Variants in TCHHL1 observed in about 807,000 individuals in gnomAD.
TCHHL1 encodes trichohyalin like 1, also known as trichohyalin-like protein 1.
In TCHHL1, 1 loss-of-function variant was observed where a neutral mutation model predicts 3.5. That is an observed-to-expected ratio of 0.29 (90% CI 0.10 to 1.36). TCHHL1 has a LOEUF of 1.36. Ranked by LOEUF, TCHHL1 falls within the 40% of genes most tolerant of loss-of-function variation. The pLI, the probability that TCHHL1 is intolerant of heterozygous loss-of-function variation, is 0.43. For synonymous variants in TCHHL1, 405 were observed against 375.3 expected (o/e 1.08, Z -0.92); for missense variants, 1,027 against 1,032.8 (o/e 0.99, Z 0.08).
At position 152,084,709 on chromosome 1, in the gene TCHHL1, C is replaced by T; in HGVS notation, c.*258G>A. On this transcript the variant is annotated 3_prime_UTR_variant, in exon 3 of 3. Transcript: ENST00000368806. ...ATTTTTCCATTTTTAATGACAGGTACATTGAGATAAACTGTCTCATGACAA... is the reference window on the plus strand; with the variant it reads ...ATTTTTCCATTTTTAATGACAGGTATATTGAGATAAACTGTCTCATGACAA... 1 of 404,060 alleles carries T rather than the reference C, an allele frequency of 2.5e-6. No homozygotes were observed. The highest frequency in any genetic ancestry group is 4.4e-6 in the Non-Finnish European group (1 of 227,346). 25.0% of individuals were successfully genotyped at this position (404,060 alleles called of 1,614,324 possible).
rs1458702465 is a variant in TCHHL1, at chr1:152,086,262, C to G, written c.1420G>C (p.Glu474Gln). Residue 474 changes from glutamate to glutamine, a missense_variant, in exon 3 of 3, where the codon GAA (glutamate) becomes CAA (glutamine). Physicochemically the swap from Glu to Gln is conservative, Grantham distance 29 (BLOSUM62 2). Transcript: ENST00000368806. ...VSGEEAEHTKEGTAEAFVNSK... is the reference protein window; with the variant it reads ...VSGEEAEHTKQGTAEAFVNSK... ...TTCACAAATGCTTCTGCTGTGCCTT[C>G]TTTGGTGTGTTCTGCCTCTTCTCCT... 6.2e-7 allele frequency: 1 copy of G among 1,614,234 alleles called. No homozygotes were observed. The highest frequency in any genetic ancestry group is 2.2e-5 in the East Asian group (1 of 44,888).
In TCHHL1 at chr1:152,088,132, G is replaced by T. The variant is rs1657769827; in HGVS notation, c.12C>A (p.Leu4=). The T allele has an allele frequency of 6.3e-7, 1 of 1,580,926 alleles. No homozygotes were observed. Among genetic ancestry groups the T allele is most frequent in the Non-Finnish European group, 8.6e-7 (1 of 1,166,164 alleles). Residue 4 remains leucine (L), a synonymous_variant, in exon 2 of 3, where the codon CTC becomes CTA. Coordinates refer to ENST00000368806, the MANE Select transcript of TCHHL1 (RefSeq NM_001008536.2). ...CAATTACACAGAGGACATTTCTCAG[G>T]AGCTGAGGCATCTTTACAAACTCAG... is the stretch of plus-strand genomic sequence containing the variant. MPQ[L]LRNVLCVIET... is the part of the protein sequence containing the mutation.
Position 152,087,453 on chromosome 1 carries a change from T to C in TCHHL1, c.229A>G (p.Ile77Val), listed in dbSNP as rs1441549306. Reference protein sequence around the residue: ...IISFDEFVLAIFNLLNLCYLD... With the variant: ...IISFDEFVLAVFNLLNLCYLD... The stretch of plus-strand genomic sequence containing the variant: ...TAACAGAGGTTCAACAAGTTGAAGA[T>C]TGCAAGAACAAATTCATCAAAACTG... Residue 77 changes from isoleucine to valine, a missense_variant, in exon 3 of 3, where the codon ATC (isoleucine) becomes GTC (valine). Coordinates refer to ENST00000368806, the MANE Select transcript of TCHHL1 (RefSeq NM_001008536.2). 1.2e-5 allele frequency: 20 copies of C among 1,607,392 alleles called. No homozygotes were observed. Among genetic ancestry groups the C allele is most frequent in the Admixed American group, 1.7e-5 (1 of 59,992 alleles).
At position 152,085,491 on chromosome 1, in the gene TCHHL1, A is replaced by G. The variant is rs778807337; in HGVS notation, c.2191T>C (p.Ser731Pro). 1.2e-6 allele frequency: 2 copies of G among 1,614,148 alleles called. No individual in the cohort carries two copies. The highest frequency in any genetic ancestry group is 1.7e-6 in the Non-Finnish European group (2 of 1,180,026). ...LESLDEDNSA[S>P]LKIQLETKEP... ...TTTGTTTCAAGTTGTATCTTGAGGG[A>G]GGCTGAATTGTCCTCATCTAGACTT... The change falls in exon 3 of 3, where the codon TCC becomes CCC. Residue 731 changes from serine (S) to proline (P), a missense_variant. Ser to Pro is a moderately conservative substitution (Grantham distance 74, BLOSUM62 -1). Transcript: ENST00000368806.
At chr1:152,088,331 C>T (rs1043956428) in intron 1 of TCHHL1, among the ~76,000 whole-genome samples, 168 bp from the exon 2 acceptor site, 10 of 152,124 alleles carry the variant, frequency 6.6e-5, no homozygotes, top group African/African-American at 2.4e-4. Context: ...TTGTACCAGA[C>T]ATTGTGGTGA....
chr1:152,087,784 C>T (rs1657761884), intron 2 of TCHHL1, among the ~76,000 whole-genome samples: 1 of 152,188 alleles, frequency 6.6e-6, no homozygotes, highest in South Asian at 2.1e-4. Flanking sequence ...TTTCAGAAGT[C>T]AGCTTTGCAG....
Position 152,086,164 on chromosome 1 carries a change from C to T in TCHHL1, c.1518G>A (p.Glu506=). 1 of 1,614,196 alleles carries T rather than the reference C, an allele frequency of 6.2e-7. No homozygotes were observed. The change falls in exon 3 of 3, where the codon GAG becomes GAA. Residue 506 remains glutamate, a synonymous_variant. Coordinates refer to ENST00000368806, the MANE Select transcript of TCHHL1 (RefSeq NM_001008536.2). ...RERTQDLAPL[E]KQSVGENTRV... ...TAGTATTTTCTCCTACAGACTGCTTCTCAAGTGGTGCTAAATCTTGTGTTC... is the reference window on the plus strand; with the variant it reads ...TAGTATTTTCTCCTACAGACTGCTTTTCAAGTGGTGCTAAATCTTGTGTTC...
chr1:152,085,282 T>A lies in TCHHL1; in HGVS notation c.2400A>T (p.Pro800=). 6.2e-7 allele frequency: 1 copy of A among 1,614,216 alleles called. No individual in the cohort carries two copies. Among genetic ancestry groups the A allele is most frequent in the Non-Finnish European group, 8.5e-7 (1 of 1,180,030 alleles). ...SVERGAVYSS[P]LYQYLQEKIL... is the part of the protein sequence containing the mutation. ...TCTTCTCCTGTAGGTACTGGTATAGTGGACTGGAATAGACTGCACCCCTCT... is the reference window on the plus strand; with the variant it reads ...TCTTCTCCTGTAGGTACTGGTATAGAGGACTGGAATAGACTGCACCCCTCT... Residue 800 remains proline (P), a synonymous_variant, in exon 3 of 3, where the codon CCA becomes CCT. Coordinates refer to ENST00000368806, the MANE Select transcript of TCHHL1 (RefSeq NM_001008536.2).
At position 152,084,844 on chromosome 1, in the gene TCHHL1, A is replaced by G; in HGVS notation, c.*123T>C. 8.9e-7 allele frequency: 1 copy of G among 1,123,616 alleles called. No homozygotes were observed. The highest frequency in any genetic ancestry group is 1.3e-6 in the Non-Finnish European group (1 of 789,100). 69.6% of individuals were successfully genotyped at this position (1,123,616 alleles called of 1,614,324 possible). On this transcript the variant is annotated 3_prime_UTR_variant, in exon 3 of 3. Coordinates refer to ENST00000368806, the MANE Select transcript of TCHHL1 (RefSeq NM_001008536.2). Reference sequence around the variant, plus strand: ...GTCCCCCACTGCTGAATATTTTATTATTTGTTTTTGTAGAAATTTAGGAAG... The same window carrying G: ...GTCCCCCACTGCTGAATATTTTATTGTTTGTTTTTGTAGAAATTTAGGAAG...
Position 152,085,978 on chromosome 1 carries a change from A to C in TCHHL1, c.1704T>G (p.Pro568=). 3 of 1,614,172 alleles carry C rather than the reference A, an allele frequency of 1.9e-6. No individual in the cohort carries two copies. Among genetic ancestry groups the C allele is most frequent in the Non-Finnish European group, 2.5e-6 (3 of 1,180,034 alleles). Residue 568 remains proline, a synonymous_variant, in exon 3 of 3, where the codon CCT becomes CCG. Transcript: ENST00000368806. ...GNSSSETGEL[P]VQGDSQSQGD... ...CTTGACTCTGGGAGTCCCCTTGCAC[A>C]GGCAGTTCACCTGTCTCTGAGCTGC... is the stretch of plus-strand genomic sequence containing the variant.
Position 152,085,981 on chromosome 1 carries a change from C to A in TCHHL1, c.1701G>T (p.Leu567=). Residue 567 remains leucine, a synonymous_variant, in exon 3 of 3, where the codon CTG becomes CTT. Transcript: ENST00000368806. ...EGNSSSETGE[L]PVQGDSQSQG... ...GACTCTGGGAGTCCCCTTGCACAGG[C>A]AGTTCACCTGTCTCTGAGCTGCTAT... 6.2e-7 allele frequency: 1 copy of A among 1,614,220 alleles called. No individual in the cohort carries two copies. The highest frequency in any genetic ancestry group is 8.5e-7 in the Non-Finnish European group (1 of 1,180,044).
chr1:152,087,217 G>A lies in TCHHL1; in HGVS notation c.465C>T (p.Asn155=), dbSNP rs766614058. ...TGGCTTCTCTCCATGGGTCCACTCT[G>A]TTATTTCCAACTGCTCCACTTTCTT... The part of the protein sequence containing the change: ...IPEESGAVGN[N]RVDPWREAKT... The change falls in exon 3 of 3, where the codon AAC becomes AAT. Residue 155 remains asparagine, a synonymous_variant. Coordinates refer to ENST00000368806, the MANE Select transcript of TCHHL1 (RefSeq NM_001008536.2). 27 of 1,614,064 alleles carry A rather than the reference G, an allele frequency of 1.7e-5. No homozygotes were observed. The highest frequency in any genetic ancestry group is 2.3e-5 in the Non-Finnish European group (27 of 1,179,972).
Position 152,088,055 on chromosome 1 carries a change from CCAGT to C in TCHHL1, c.85_88del (p.Thr29AlafsTer4). 6.2e-7 allele frequency: 1 copy of C among 1,611,186 alleles called. No homozygotes were observed. The highest frequency in any genetic ancestry group is 1.3e-5 in the African/African-American group (1 of 74,890). On this transcript the variant is annotated frameshift_variant, in exon 2 of 3. Transcript: ENST00000368806. LOFTEE classifies it low-confidence loss of function (END_TRUNC). ...CTGGATGAGTTGTTTCAGCTCTCTGCCAGTCAGTGTTGCCCCGTTACTGTCCTCA... is the reference window on the plus strand; with the variant it reads ...CTGGATGAGTTGTTTCAGCTCTCTGCCAGTGTTGCCCCGTTACTGTCCTCA...
Position 152,087,008 on chromosome 1 carries a change from T to C in TCHHL1, c.674A>G (p.Lys225Arg). The C allele has an allele frequency of 6.2e-7, 1 of 1,614,170 alleles. No homozygotes were observed. The highest frequency in any genetic ancestry group is 8.5e-7 in the Non-Finnish European group (1 of 1,180,032). ...CTGGGAGATCTCCTTATCTTGTCCC[T>C]TCCTCTCTGTGGGACTGCTGGTCTT... ...SKKTSSPTER[K>R]GQDKEISQEG... Residue 225 changes from lysine to arginine, a missense_variant, in exon 3 of 3, where the codon AAG (lysine) becomes AGG (arginine). Physicochemically the swap from Lys to Arg is conservative, Grantham distance 26. This residue lies in a region of TCHHL1 where 338 missense variants were observed against 335.9 expected (regional missense o/e 1.01). Transcript: ENST00000368806.
At chr1:152,087,869 A>T in intron 2 of TCHHL1, 137 bp downstream of exon 2, 1 of 1,134,450 alleles carries the variant, frequency 8.8e-7, no homozygotes, top group Non-Finnish European at 1.2e-6. Flanking sequence ...GACTGAAAAT[A>T]GTTGTTCAAG....
At position 152,087,467 on chromosome 1, in the gene TCHHL1, T is replaced by C; in HGVS notation, c.215A>G (p.Glu72Gly). ...CAAGTTGAAGATTGCAAGAACAAAT[T>C]CATCAAAACTGATGATGCCATTACT... ...IDSNGIISFDEFVLAIFNLLN... is the reference protein window; with the variant it reads ...IDSNGIISFDGFVLAIFNLLN... The change falls in exon 3 of 3, where the codon GAA (glutamate) becomes GGA (glycine). Residue 72 changes from glutamate to glycine, a missense_variant. Glu to Gly is a moderately conservative substitution (Grantham distance 98). Coordinates refer to ENST00000368806, the MANE Select transcript of TCHHL1 (RefSeq NM_001008536.2). 3 of 1,604,868 alleles carry C rather than the reference T, an allele frequency of 1.9e-6. No individual in the cohort carries two copies. Among genetic ancestry groups the C allele is most frequent in the Non-Finnish European group, 2.5e-6 (3 of 1,179,942 alleles).
Position 152,085,228 on chromosome 1 carries a change from C to T in TCHHL1, c.2454G>A (p.Glu818=), listed in dbSNP as rs773974510. 16 of 1,614,076 alleles carry T rather than the reference C, an allele frequency of 9.9e-6. No homozygotes were observed. The highest frequency in any genetic ancestry group is 1.2e-5 in the Non-Finnish European group (14 of 1,180,044). The part of the protein sequence containing the change: ...KILQQTNVTQ[E]EHQKQVQIAQ... Reference sequence around the variant, plus strand: ...CTATCTGAACTTGCTTTTGATGCTCCTCTTGGGTTACATTTGTTTGCTGCA... The same window carrying T: ...CTATCTGAACTTGCTTTTGATGCTCTTCTTGGGTTACATTTGTTTGCTGCA... The change falls in exon 3 of 3, where the codon GAG becomes GAA. Residue 818 remains glutamate (E), a synonymous_variant. Transcript: ENST00000368806.
chr1:152,085,438 A>G lies in TCHHL1; in HGVS notation c.2244T>C (p.Asp748=), dbSNP rs140803281. The G allele has an allele frequency of 7.8e-3, 12,541 of 1,614,048 alleles. 79 individuals carry two copies. The highest frequency in any genetic ancestry group is 8.1e-3 in the Non-Finnish European group (9,543 of 1,179,998). The part of the protein sequence containing the change: ...TKEPVTSEEE[D]ESPQELAGEG... ...CTCCTGCCAGCTCTTGGGGACTTTC[A>G]TCTTCCTCCTCTGATGTTACAGGTT... The change falls in exon 3 of 3, where the codon GAT becomes GAC. Residue 748 remains aspartate, a synonymous_variant. Coordinates refer to ENST00000368806, the MANE Select transcript of TCHHL1 (RefSeq NM_001008536.2).
rs766115774 is a variant in TCHHL1 at position 152,086,948 on chromosome 1, G to A, written c.734C>T (p.Ser245Phe). 1 of 1,614,020 alleles carries A rather than the reference G, an allele frequency of 6.2e-7. No homozygotes were observed. The highest frequency in any genetic ancestry group is 2.2e-5 in the East Asian group (1 of 44,870). ...TTCTCCAAACTGGTCTCTTATCTTG[G>A]AAACACTTTGCTCTCTGGCTGGTTC... Reference protein sequence around the residue: ...GDEPAREQSVSKIRDQFGEQE... With the variant: ...GDEPAREQSVFKIRDQFGEQE... The change falls in exon 3 of 3, where the codon TCC becomes TTC. Residue 245 changes from serine to phenylalanine, a missense_variant. Transcript: ENST00000368806.
Sources: gnomAD v4.1 joint callset for allele counts (sites outside exome capture counted in the v4.1 genomes callset) on GRCh38, gnomAD v4.1.1 for gene constraint, gnomAD v4.1.1 regional missense constraint, MANE v1.5 for transcripts, NCBI Gene and HGNC (gene_info 2026-07-23, HGNC 2026-07-21) for gene names.